NRXN3: variants seen among roughly 807,000 people sequenced by gnomAD.
The protein encoded by NRXN3 is neurexin 3, also known as neurexin III.
Under a neutral mutation model 137.6 loss-of-function variants are expected in NRXN3, and 32 were observed. The observed-to-expected ratio is 0.23, with a 90% CI of 0.18 to 0.31. The LOEUF is 0.31. NRXN3 is among the 10% of genes least tolerant of loss of function. NRXN3 has a pLI of 1.00. For synonymous variants in NRXN3, 798 were observed against 784.5 expected, an observed-to-expected ratio of 1.02 and a Z score of -0.29; for missense variants, 1,574 against 2,062.5, an observed-to-expected ratio of 0.76 and a Z score of 4.59.
intron 15 of NRXN3, among the ~76,000 whole-genome samples, chr14:79,349,976 C>T (rs1167132633): frequency 1.3e-5 from 2 of 152,112 alleles, no homozygotes; most frequent in African/African-American, 4.8e-5. Flanking sequence ...TTGTTTAAAC[C>T]ATAGCATTTG....
At chr14:78,985,699 T>C (rs1344799701) in intron 14 of NRXN3, among the ~76,000 whole-genome samples, 2 of 152,228 alleles carry the variant, frequency 1.3e-5, no homozygotes, top group Non-Finnish European at 2.9e-5. Flanking sequence ...TCCATGTGTT[T>C]CTGATTATTG....
chr14:79,269,306 C>T (rs945643577), intron 15 of NRXN3, among the ~76,000 whole-genome samples: 6 of 152,152 alleles, frequency 3.9e-5, no homozygotes, highest in Non-Finnish European at 7.3e-5. Flanking sequence ...ACCTTGGCCT[C>T]CCAAAGTGCT....
At chr14:78,932,141 A>AAATT (rs200175394) in intron 10 of NRXN3, among the ~76,000 whole-genome samples, 3,827 of 151,886 alleles carry the variant, frequency 0.025, 161 homozygotes, top group African/African-American at 0.088. Context: ...CTCCATCTCT[A>AAATT]AATTAATTAA....
intron 15 of NRXN3, among the ~76,000 whole-genome samples, chr14:79,030,225 T>C (rs1319158835): frequency 6.6e-6 from 1 of 151,786 alleles, no homozygotes; most frequent in South Asian, 2.1e-4. Flanking sequence ...ACATAGTAGA[T>C]GCCAGTAGTA....
At chr14:79,280,641 G>A in intron 15 of NRXN3, 1 of 1,168,112 alleles carries the variant, frequency 8.6e-7, no homozygotes. Flanking sequence ...TAAAAAAAAT[G>A]AATTTAAAAT....
Position 79,517,545 on chromosome 14 carries a change from A to G in NRXN3, c.3444+50143A>G, listed in dbSNP as rs549967210. On this transcript the variant is annotated intron_variant, in intron 16 of 20. Transcript: ENST00000335750. ...TAGAAGGGAGGACTTCATATTCTAG[A>G]GTGGTAAAGTAATTCTTCATGGTTT... 4.4e-4 allele frequency among the ~76,000 whole-genome samples: 67 copies of G among 152,206 alleles called. 1 individual carries two copies. In the South Asian group the frequency reaches 0.012, roughly 27 times the overall value.
At chr14:78,916,894 T>C (rs1441312010) in intron 10 of NRXN3, among the ~76,000 whole-genome samples, 1 of 152,218 alleles carries the variant, frequency 6.6e-6, no homozygotes, top group Non-Finnish European at 1.5e-5. Context: ...GGCTTTTAGA[T>C]GGCTGTCTTC....
rs2098959457 is a variant in NRXN3 at position 79,740,727 on chromosome 14, T to TA, written c.4014+42791dup. On this transcript the variant is annotated intron_variant, in intron 19 of 20. Transcript: ENST00000335750. ...ATTTAGTTTTTTATATATATATATA[T>TA]ATATATATATATATATATATATATA... is the stretch of plus-strand genomic sequence containing the variant. 1.1e-4 allele frequency among the ~76,000 whole-genome samples: 3 copies of TA among 26,244 alleles called. 1 individual carries two copies. The highest frequency in any genetic ancestry group is 4.9e-4 in the African/African-American group (3 of 6,152). 17.2% of individuals were successfully genotyped at this position (26,244 alleles called of 152,430 possible).
intron 15 of NRXN3, among the ~76,000 whole-genome samples, chr14:79,275,205 C>A (rs2080088976): frequency 6.6e-6 from 1 of 151,972 alleles, no homozygotes; most frequent in Non-Finnish European, 1.5e-5. Flanking sequence ...TTTTTCAGGA[C>A]TTTTATTTCA....
chr14:78,848,954 G>T (rs1469034763), intron 10 of NRXN3, among the ~76,000 whole-genome samples: 1 of 152,068 alleles, frequency 6.6e-6, no homozygotes, highest in Admixed American at 6.6e-5. Flanking sequence ...GCAGGAGTGG[G>T]TTTGTTTTTG....
intron 6 of NRXN3, among the ~76,000 whole-genome samples, chr14:78,668,085 C>T (rs1473928751): frequency 6.6e-6 from 1 of 152,176 alleles, no homozygotes; most frequent in Non-Finnish European, 1.5e-5. Context: ...CGCGCCTGAC[C>T]AAATTATCTT....
intron 15 of NRXN3, among the ~76,000 whole-genome samples, chr14:79,124,334 A>C (rs2056022847): frequency 6.6e-6 from 1 of 152,216 alleles, no homozygotes; most frequent in South Asian, 2.1e-4. Flanking sequence ...AGAGGATAGG[A>C]ATACTCAGAG....
chr14:78,695,593 A>T (rs908228684), intron 6 of NRXN3: 1 of 152,054 alleles, frequency 6.6e-6, no homozygotes, highest in Non-Finnish European at 1.5e-5. Context: ...ATTAATACTT[A>T]TTGAGGAGCT....
At chr14:78,582,589 C>G (rs2097013264) in intron 4 of NRXN3, among the ~76,000 whole-genome samples, 1 of 152,208 alleles carries the variant, frequency 6.6e-6, no homozygotes, top group Non-Finnish European at 1.5e-5. Context: ...TTGCCCCCGT[C>G]TGTGTTTCAG....
At chr14:78,557,904 T>G (rs1042116693) in intron 4 of NRXN3, among the ~76,000 whole-genome samples, 5 of 152,246 alleles carry the variant, frequency 3.3e-5, no homozygotes, top group Non-Finnish European at 7.3e-5. Context: ...TCTTGTTTAC[T>G]GTACACCCAG....
intron 19 of NRXN3, among the ~76,000 whole-genome samples, chr14:79,802,013 C>A (rs969642053): frequency 6.7e-5 from 10 of 148,604 alleles, no homozygotes; most frequent in Admixed American, 6.1e-4. Context: ...AAGACAGTAT[C>A]TTTTCAACCT....
chr14:78,875,521 G>C (rs1468303685), intron 10 of NRXN3, among the ~76,000 whole-genome samples: 1 of 152,114 alleles, frequency 6.6e-6, no homozygotes, highest in African/African-American at 2.4e-5. Flanking sequence ...TAGGCTGTTA[G>C]ATGAGAAATT....
intron 4 of NRXN3, among the ~76,000 whole-genome samples, chr14:78,472,989 A>G (rs1753844437): frequency 6.7e-6 from 1 of 149,388 alleles, no homozygotes; most frequent in Non-Finnish European, 1.5e-5. Context: ...CCTTTCATCC[A>G]AAGATCTGTA....
rs2099420624 is a variant in NRXN3 at position 78,967,372 on chromosome 14, A to G, written c.2942A>G (p.Asn981Ser). ...VDTKVVTQVINGAKNLDLKGD... is the reference protein window; with the variant it reads ...VDTKVVTQVISGAKNLDLKGD... Reference sequence around the variant, plus strand: ...ACCAAAGTGGTCACTCAGGTTATCAATGGTGCCAAAAATCTGGATTTGAAA... The same window carrying G: ...ACCAAAGTGGTCACTCAGGTTATCAGTGGTGCCAAAAATCTGGATTTGAAA... Residue 981 changes from asparagine to serine, a missense_variant, in exon 13 of 21, where the codon AAT becomes AGT. Asn to Ser is a conservative substitution (Grantham distance 46). Coordinates refer to ENST00000335750, the MANE Select transcript of NRXN3 (RefSeq NM_001330195.2). 6.2e-7 allele frequency: 1 copy of G among 1,613,568 alleles called. No individual in the cohort carries two copies. Among genetic ancestry groups the G allele is most frequent in the Non-Finnish European group, 8.5e-7 (1 of 1,179,724 alleles).
Sources: allele counts gnomAD v4.1 joint callset (sites outside exome capture counted in the v4.1 genomes callset), GRCh38; gene constraint gnomAD v4.1.1; transcripts MANE v1.5; gene names NCBI Gene and HGNC (gene_info 2026-07-23, HGNC 2026-07-21).